Variants in MCPH1 observed in about 807,000 individuals in gnomAD.
MCPH1 encodes microcephalin 1.
In MCPH1, 104 loss-of-function variants were observed where a neutral mutation model predicts 84.5. The observed-to-expected ratio is 1.23, with a 90% confidence interval of 1.05 to 1.45. The LOEUF (loss-of-function observed/expected upper bound fraction) is 1.45. MCPH1 is among the 40% of genes most tolerant of loss of function. The pLI is 0.00. For synonymous variants in MCPH1, 514 were observed against 366.8 expected, an observed-to-expected ratio of 1.40 and a Z score of -4.58; for missense variants, 1,498 against 1,005.7, an observed-to-expected ratio of 1.49 and a Z score of -6.62.
At chr8:6,592,366 C>G (rs1031645886) in intron 12 of MCPH1, among the ~76,000 whole-genome samples, 1 of 151,948 alleles carries the variant, frequency 6.6e-6, no homozygotes, top group African/African-American at 2.4e-5. Flanking sequence ...AGGGAGGTCT[C>G]AAACTCCTGG....
intron 8 of MCPH1, among the ~76,000 whole-genome samples, chr8:6,450,945 C>G (rs1805016197): frequency 6.6e-6 from 1 of 152,090 alleles, no homozygotes; most frequent in African/African-American, 2.4e-5. Flanking sequence ...TGAGCTCATG[C>G]AATCTGCCCG....
rs993831654 is a variant in MCPH1, at chr8:6,509,141, A to T, written c.2214+9212A>T. On this transcript the variant is annotated intron_variant, in intron 12 of 13. Coordinates refer to ENST00000344683, the MANE Select transcript of MCPH1 (RefSeq NM_024596.5). ...AGTGGCAAATTTTTTGTGATGAAGA[A>T]TTCCATTCTACAGAAGCGTGTTCTG... 20 of 1,541,560 alleles carry T rather than the reference A, an allele frequency of 1.3e-5. 1 individual carries two copies. The African/African-American group carries it at 2.5e-4, about 19-fold the overall frequency.
rs1416105982 is a variant in MCPH1 at position 6,645,012 on chromosome 8, C to T, written c.*1963C>T. 2 of 152,252 alleles carry T rather than the reference C, an allele frequency of 1.3e-5. No individual in the cohort carries two copies. The highest frequency in any genetic ancestry group is 3.8e-4 in the East Asian group (2 of 5,200). The allele number at this position is 152,252 out of a possible 1,614,324, so 9.4% of individuals were successfully genotyped here. A position where few individuals can be genotyped will look rare whatever the true frequency, so the allele number is the denominator to read the frequency against. Reference sequence around the variant, plus strand: ...AATGAGTCATTCCTGAGTTCACTCGCTTCACATTACATATGTTTCTCTATA... The same window carrying T: ...AATGAGTCATTCCTGAGTTCACTCGTTTCACATTACATATGTTTCTCTATA... On this transcript the variant is annotated 3_prime_UTR_variant, in exon 14 of 14. Coordinates refer to ENST00000344683, the MANE Select transcript of MCPH1 (RefSeq NM_024596.5).
At chr8:6,476,422 T>G (rs1585997935) in intron 9 of MCPH1, among the ~76,000 whole-genome samples, 1 of 112,278 alleles carries the variant, frequency 8.9e-6, no homozygotes, top group African/African-American at 3.5e-5. Flanking sequence ...AGAGCAAAAC[T>G]CCATCTCAAA....
chr8:6,455,192 C>T lies in MCPH1; in HGVS notation c.1875C>T (p.Asp625=), dbSNP rs779008133. ...TRHDVLDDSC[D]GFKDLIKPHE... is the part of the protein sequence containing the mutation. ...ATGATGTTTTAGATGACTCATGTGA[C>T]GGCTTTAAGGACCTCATCAAACCTC... Residue 625 remains aspartate (D), a synonymous_variant, in exon 9 of 14, where the codon GAC becomes GAT. Transcript: ENST00000344683. 2.2e-5 allele frequency: 36 copies of T among 1,613,852 alleles called. 1 individual carries two copies. Among genetic ancestry groups the T allele is most frequent in the South Asian group, 2.1e-4 (19 of 91,078 alleles).
intron 12 of MCPH1, chr8:6,521,314 G>C (rs1212629409): frequency 6.2e-7 from 1 of 1,613,584 alleles, no homozygotes; most frequent in Non-Finnish European, 8.5e-7. Context: ...AATTTTGCTT[G>C]GATACTAACA....
chr8:6,586,592 G>C (rs1395165136), intron 12 of MCPH1, among the ~76,000 whole-genome samples: 2 of 152,186 alleles, frequency 1.3e-5, no homozygotes, highest in East Asian at 3.8e-4. Context: ...CTGCATGTCT[G>C]GGGGGAATTC....
At position 6,514,652 on chromosome 8, in the gene MCPH1, C is replaced by A. The variant is rs200292434; in HGVS notation, c.2214+14723C>A. 48 of 1,595,612 alleles carry A rather than the reference C, an allele frequency of 3.0e-5. No homozygotes were observed. In the Admixed American group the frequency reaches 7.5e-4, roughly 25 times the overall value. On this transcript the variant is annotated intron_variant, in intron 12 of 13. Transcript: ENST00000344683. ...TATTTTTCACAAGGGAAATTCTTTT[C>A]TGATGCCTTAAAGAATGTCCTTACC...
intron 12 of MCPH1, among the ~76,000 whole-genome samples, chr8:6,567,471 A>G (rs995859571): frequency 6.6e-6 from 1 of 152,212 alleles, no homozygotes; most frequent in Admixed American, 6.5e-5. Context: ...GGGGCTTACT[A>G]ACGGGATAGA....
chr8:6,428,524 C>G (rs984782123), intron 3 of MCPH1, among the ~76,000 whole-genome samples: 18 of 152,238 alleles, frequency 1.2e-4, no homozygotes, highest in African/African-American at 4.1e-4. Flanking sequence ...ATCCCCTATT[C>G]TCCCGCCAGC....
At chr8:6,474,124 G>T (rs563642693) in intron 9 of MCPH1, 2 of 763,448 alleles carry the variant, frequency 2.6e-6, no homozygotes, top group African/African-American at 1.7e-5. Flanking sequence ...AATCACAACC[G>T]TGGTAATCAA....
chr8:6,640,005 G>A (rs746866517), intron 13 of MCPH1, among the ~76,000 whole-genome samples: 2 of 151,692 alleles, frequency 1.3e-5, no homozygotes, highest in African/African-American at 4.8e-5. Context: ...TCCCAAGTAG[G>A]CGGGACTACA....
At chr8:6,611,928 A>AT (rs1277015989) in intron 12 of MCPH1, among the ~76,000 whole-genome samples, 1 of 152,082 alleles carries the variant, frequency 6.6e-6, no homozygotes, top group Non-Finnish European at 1.5e-5. Context: ...TGACGTCGGG[A>AT]TTTTTAAGGA....
At chr8:6,548,855 C>T (rs753177416) in intron 12 of MCPH1, among the ~76,000 whole-genome samples, 2 of 152,160 alleles carry the variant, frequency 1.3e-5, no homozygotes, top group African/African-American at 2.4e-5. Flanking sequence ...TTTATTCCCA[C>T]CCTCTTTTCC....
Position 6,647,890 on chromosome 8 carries a change from G to C in MCPH1, c.*4841G>C, listed in dbSNP as rs1798288890. 1 of 152,030 alleles carries C rather than the reference G, an allele frequency of 6.6e-6. No homozygotes were observed. The highest frequency in any genetic ancestry group is 2.4e-5 in the African/African-American group (1 of 41,372). The allele number at this position is 152,030 out of a possible 1,614,324, so 9.4% of individuals were successfully genotyped here. The stretch of plus-strand genomic sequence containing the variant: ...AACACTTTTAATGGGTAAGCCTTAA[G>C]GCATGTGAATTATACACCAATAAAG... On this transcript the variant is annotated 3_prime_UTR_variant, in exon 14 of 14. Transcript: ENST00000344683.
At chr8:6,534,318 G>A (rs1045432634) in intron 12 of MCPH1, among the ~76,000 whole-genome samples, 2 of 152,156 alleles carry the variant, frequency 1.3e-5, no homozygotes, top group African/African-American at 2.4e-5. Context: ...ACCTCGAGAT[G>A]ATTTAGAGTA....
intron 9 of MCPH1, among the ~76,000 whole-genome samples, chr8:6,458,578 T>G (rs1805950393): frequency 6.6e-6 from 1 of 152,148 alleles, no homozygotes; most frequent in South Asian, 2.1e-4. Context: ...AGGACGTGTT[T>G]TATTATTTTA....
chr8:6,475,899 C>T (rs1396087264), intron 9 of MCPH1, among the ~76,000 whole-genome samples: 4 of 152,052 alleles, frequency 2.6e-5, no homozygotes, highest in Non-Finnish European at 4.4e-5. Flanking sequence ...TTAGAGAGGC[C>T]GTCACCAGAA....
At chr8:6,529,508 G>T (rs889163147) in intron 12 of MCPH1, among the ~76,000 whole-genome samples, 6 of 150,592 alleles carry the variant, frequency 4.0e-5, no homozygotes, top group Non-Finnish European at 7.4e-5. Context: ...CTGCAGTGCG[G>T]TGGCACCATA....
Sources: allele counts gnomAD v4.1 joint callset (sites outside exome capture counted in the v4.1 genomes callset), GRCh38; gene constraint gnomAD v4.1.1; transcripts MANE v1.5; gene names NCBI Gene and HGNC (gene_info 2026-07-23, HGNC 2026-07-21).